The following FBN3 variants were observed in gnomAD, a reference collection of about 807,000 sequenced individuals.
FBN3 encodes the protein fibrillin 3.
Under a neutral mutation model 330.1 loss-of-function variants are expected in FBN3, and 234 were observed. The observed-to-expected ratio is 0.71, with a 90% confidence interval of 0.64 to 0.79. FBN3 has a LOEUF of 0.79. Ranked by LOEUF, FBN3 falls within the 30% of genes least tolerant of loss-of-function variation. The probability of loss-of-function intolerance (pLI) is 0.00; values close to 1 mark genes in which losing one functional copy is unlikely to be tolerated. For synonymous variants in FBN3, 1,458 were observed against 1,517.3 expected (o/e 0.96, Z 0.91); for missense variants, 3,606 against 3,886.9 (o/e 0.93, Z 1.92).
rs1325313446 is a variant in FBN3 at position 8,136,798 on chromosome 19, T to C, written c.1202-267A>G. Among the ~76,000 whole-genome samples, 10 of 124,858 alleles carry C rather than the reference T, an allele frequency of 8.0e-5. No individual in the cohort carries two copies. In the East Asian group the frequency reaches 2.2e-3, roughly 27 times the overall value. The allele number at this position is 124,858 out of a possible 152,430, so 81.9% of individuals were successfully genotyped here. A position where few individuals can be genotyped will look rare whatever the true frequency, so the allele number is the denominator to read the frequency against. Reference sequence around the variant, plus strand: ...GGCCTGGATCCCTCCAACCTGGGCCTGGATCCCTCCAACCTGGGGTCTAGA... The same window carrying C: ...GGCCTGGATCCCTCCAACCTGGGCCCGGATCCCTCCAACCTGGGGTCTAGA... On this transcript the variant is annotated intron_variant, in intron 10 of 63. Transcript: ENST00000600128.
At chr19:8,130,538 A>T (rs1184424558) in intron 16 of FBN3, among the ~76,000 whole-genome samples, 2 of 96,872 alleles carry the variant, frequency 2.1e-5, no homozygotes, top group Non-Finnish European at 1.9e-5. Flanking sequence ...AAAGAAAAGA[A>T]AGAGAAAGAA....
At chr19:8,118,066 C>T (rs1261628082) in intron 26 of FBN3, among the ~76,000 whole-genome samples, 2 of 151,404 alleles carry the variant, frequency 1.3e-5, no homozygotes, top group Non-Finnish European at 3.0e-5. Context: ...CACACACACC[C>T]ATGTGCACAC....
chr19:8,133,197 A>G, intron 13 of FBN3, 91 bp from the exon 14 acceptor site: 1 of 1,438,240 alleles, frequency 7.0e-7, no homozygotes. Flanking sequence ...ACCCCCCAGG[A>G]TCCCTCCCTG....
At chr19:8,087,467 C>G (rs1288240842) in intron 53 of FBN3, among the ~76,000 whole-genome samples, 1 of 152,260 alleles carries the variant, frequency 6.6e-6, no homozygotes, top group Non-Finnish European at 1.5e-5. Context: ...GCTCATGGCC[C>G]CTGGAACACT....
chr19:8,090,472 T>G (rs374433925), intron 48 of FBN3, among the ~76,000 whole-genome samples: 2,280 of 122,602 alleles, frequency 0.019, 28 homozygotes, highest in African/African-American at 0.04. Context: ...GTTGTTGTTG[T>G]TGGTGGTGGT....
intron 13 of FBN3, 25 bp downstream of exon 13, chr19:8,135,936 G>GCACCCC: frequency 9.0e-6 from 6 of 668,774 alleles, no homozygotes; most frequent in South Asian, 3.2e-5. Context: ...GGAAGCCCCT[G>GCACCCC]CCCACCCGCC....
chr19:8,065,975 GC>G lies in FBN3; in HGVS notation c.8373del (p.Gln2792SerfsTer9). 6.2e-7 allele frequency: 1 copy of G among 1,611,198 alleles called. No homozygotes were observed. The highest frequency in any genetic ancestry group is 8.5e-7 in the Non-Finnish European group (1 of 1,178,690). ...MAGPWGVQPE[G>X]QPGPWGQALR... ...AAGGCCTGGCCCCATGGCCCTGGCT[GC>G]CCCTCTGGCTGGACACCCCAGGGTC... is the stretch of plus-strand genomic sequence containing the variant. On this transcript the variant is annotated frameshift_variant, in exon 64 of 64. Coordinates refer to ENST00000600128, the MANE Select transcript of FBN3 (RefSeq NM_032447.5). LOFTEE classifies it low-confidence loss of function (END_TRUNC).
intron 27 of FBN3, 61 bp downstream of exon 27, chr19:8,117,403 C>T: frequency 1.9e-6 from 3 of 1,550,826 alleles, no homozygotes; most frequent in Non-Finnish European, 2.6e-6. Flanking sequence ...ACAGGAGGAG[C>T]TACCACTATG....
intron 30 of FBN3, among the ~76,000 whole-genome samples, chr19:8,113,740 C>A (rs1199933419): frequency 6.7e-6 from 1 of 150,114 alleles, no homozygotes; most frequent in African/African-American, 2.5e-5. Context: ...TGCAGTGACT[C>A]GTGCCTGTAA....
rs780807332 is a variant in FBN3 at position 8,088,121 on chromosome 19, G to A, written c.6435C>T (p.Ile2145=). 135 of 1,613,828 alleles carry A rather than the reference G, an allele frequency of 8.4e-5. 1 individual carries two copies. The highest frequency in any genetic ancestry group is 3.3e-4 in the South Asian group (30 of 91,060). Residue 2145 remains isoleucine (I), a synonymous_variant, in exon 52 of 64, where the codon ATC becomes ATT. Coordinates refer to ENST00000600128, the MANE Select transcript of FBN3 (RefSeq NM_032447.5). ...CAGCACAGGCACATTCGAAGCCTCC[G>A]ATGACATTGGTGCATGTCCCTTGCC... ...PCGQGTCTNV[I]GGFECACADG... is the part of the protein sequence containing the mutation.
chr19:8,105,922 C>T (rs1056699982), intron 38 of FBN3, among the ~76,000 whole-genome samples, 186 bp downstream of exon 38: 4 of 152,166 alleles, frequency 2.6e-5, no homozygotes, highest in Non-Finnish European at 5.9e-5. Context: ...CACCACAGAT[C>T]CACAGCAGCC....
At chr19:8,117,330 G>A (rs1380725086) in intron 27 of FBN3, 39 bp from the exon 28 acceptor site, 3 of 1,491,496 alleles carry the variant, frequency 2.0e-6, no homozygotes, top group East Asian at 4.9e-5. Flanking sequence ...GGGCTGGGGG[G>A]AGGGGTCCAG....
chr19:8,125,163 G>T (rs1319622356), intron 22 of FBN3, among the ~76,000 whole-genome samples: 1 of 152,162 alleles, frequency 6.6e-6, no homozygotes, highest in Admixed American at 6.5e-5. Flanking sequence ...GGATGCTGAG[G>T]TAGGGGGATC....
rs534626790 is a variant in FBN3, at chr19:8,107,550, CGGGTGGAAGGAT to C, written c.4687+608_4687+619del. 3.1e-4 allele frequency among the ~76,000 whole-genome samples: 33 copies of C among 107,464 alleles called. 2 individuals are homozygous for C. The South Asian group carries it at 0.011, about 37-fold the overall frequency. 70.5% of individuals were successfully genotyped at this position (107,464 alleles called of 152,430 possible). A position where few individuals can be genotyped will look rare whatever the true frequency, so the allele number is the denominator to read the frequency against. On this transcript the variant is annotated intron_variant, in intron 37 of 63. Transcript: ENST00000600128. The stretch of plus-strand genomic sequence containing the variant: ...AAGGATGGATGAATGGATGGATGGT[CGGGTGGAAGGAT>C]GGATGGATGGATGGATGGATGGAGG...
intron 40 of FBN3, among the ~76,000 whole-genome samples, chr19:8,101,923 C>T (rs1186372305): frequency 6.6e-6 from 1 of 152,190 alleles, no homozygotes; most frequent in Non-Finnish European, 1.5e-5. Flanking sequence ...TTGGCTGTGT[C>T]CCCACCTAAA....
At chr19:8,127,907 G>A (rs578104617) in intron 18 of FBN3, among the ~76,000 whole-genome samples, 5 of 152,248 alleles carry the variant, frequency 3.3e-5, no homozygotes, top group South Asian at 2.1e-4. Context: ...CTTAAACGGC[G>A]GGAGAATTGC....
At chr19:8,135,936 G>GGGGGGGGGGGGGCCCCCCCCCCC in intron 13 of FBN3, 25 bp downstream of exon 13, 23 of 668,702 alleles carry the variant, frequency 3.4e-5, no homozygotes, top group East Asian at 1.2e-4. Context: ...GGAAGCCCCT[G>GGGGGGGGGGGGGCCCCCCCCCCC]CCCACCCGCC....
At chr19:8,084,385 C>A (rs1051235779) in intron 56 of FBN3, among the ~76,000 whole-genome samples, 3 of 151,890 alleles carry the variant, frequency 2.0e-5, no homozygotes, top group African/African-American at 7.3e-5. Context: ...AAAGAACACA[C>A]ACTGGGCCGG....
rs1263946162 is a variant in FBN3 at position 8,124,014 on chromosome 19, CG to C, written c.2732-7del. On this transcript the variant is annotated splice_polypyrimidine_tract_variant and splice_region_variant and intron_variant, in intron 22 of 63. Transcript: ENST00000600128. ...ACATGGTTCCAATCTCACATCTGCACGGGGGACAGTCACTGCGTCCCCACCC... is the reference window on the plus strand; with the variant it reads ...ACATGGTTCCAATCTCACATCTGCACGGGGACAGTCACTGCGTCCCCACCC... The C allele has an allele frequency of 1.9e-5, 30 of 1,610,290 alleles. No individual in the cohort carries two copies. The highest frequency in any genetic ancestry group is 5.0e-5 in the Admixed American group (3 of 59,552).
Sources: allele counts gnomAD v4.1 joint callset (sites outside exome capture counted in the v4.1 genomes callset), GRCh38; gene constraint gnomAD v4.1.1; transcripts MANE v1.5; gene names NCBI Gene and HGNC (gene_info 2026-07-23, HGNC 2026-07-21).